The following GTF3C1 variants were observed in gnomAD, a reference collection of about 807,000 sequenced individuals.
GTF3C1 encodes the protein general transcription factor IIIC subunit 1.
A neutral mutation model predicts 226.7 loss-of-function variants in GTF3C1; 57 were observed. That is an observed-to-expected ratio of 0.25 (90% CI 0.20 to 0.31). The LOEUF (loss-of-function observed/expected upper bound fraction) is 0.31, where lower values mean the gene tolerates loss of function less well. GTF3C1 is among the 10% of genes least tolerant of loss of function. The probability of loss-of-function intolerance (pLI) is 1.00; values close to 1 mark genes in which losing one functional copy is unlikely to be tolerated. For synonymous variants in GTF3C1, 1,090 were observed against 1,084.8 expected (o/e 1.00, Z -0.09); for missense variants, 2,217 against 2,776.1 (o/e 0.80, Z 4.53).
intron 2 of GTF3C1, among the ~76,000 whole-genome samples, chr16:27,538,933 A>T (rs2089040571): frequency 6.7e-6 from 1 of 149,772 alleles, no homozygotes; most frequent in African/African-American, 2.5e-5. Context: ...TCTTCATAGA[A>T]CTTAGCACTC....
At chr16:27,498,302 C>T (rs1419633320) in intron 13 of GTF3C1, among the ~76,000 whole-genome samples, 1 of 152,070 alleles carries the variant, frequency 6.6e-6, no homozygotes, top group African/African-American at 2.4e-5. Context: ...GGTTTATGAA[C>T]AAAATTAGAA....
At chr16:27,495,002 T>C (rs1461583230) in intron 15 of GTF3C1, 94 bp from the exon 16 acceptor site, 3 of 1,122,404 alleles carry the variant, frequency 2.7e-6, no homozygotes, top group Admixed American at 2.1e-5. Context: ...TCTTGGTGTC[T>C]TTACCCCTAA....
At chr16:27,483,276 G>A (rs902499945) in intron 25 of GTF3C1, 151 bp from the exon 26 acceptor site, 4 of 759,466 alleles carry the variant, frequency 5.3e-6, no homozygotes, top group South Asian at 1.5e-5. Context: ...CAGCTTTTAC[G>A]AATGAAGGAT....
At chr16:27,483,578 A>G (rs2088089993) in intron 25 of GTF3C1, 2 of 429,138 alleles carry the variant, frequency 4.7e-6, no homozygotes. Context: ...TGACTTGCCC[A>G]AAAGAAAATG....
At chr16:27,530,162 C>T (rs759618125) in intron 5 of GTF3C1, among the ~76,000 whole-genome samples, 4 of 152,162 alleles carry the variant, frequency 2.6e-5, no homozygotes, top group Non-Finnish European at 5.9e-5. Flanking sequence ...GGGCTGCCGC[C>T]GCCACATATG....
intron 7 of GTF3C1, among the ~76,000 whole-genome samples, chr16:27,511,457 T>C (rs2088569491): frequency 6.6e-6 from 1 of 152,182 alleles, no homozygotes; most frequent in African/African-American, 2.4e-5. Flanking sequence ...CCCTCTTATA[T>C]ATCTATGTTT....
intron 32 of GTF3C1, among the ~76,000 whole-genome samples, chr16:27,468,825 G>A (rs2087821898): frequency 1.3e-5 from 2 of 152,234 alleles, no homozygotes; most frequent in South Asian, 4.1e-4. Flanking sequence ...AAAGGAGGCA[G>A]GAGATCATGA....
chr16:27,512,488 T>C (rs930681861), intron 6 of GTF3C1, among the ~76,000 whole-genome samples: 6 of 152,178 alleles, frequency 3.9e-5, no homozygotes, highest in Admixed American at 2.6e-4. Context: ...TCAGTACTAA[T>C]AGATCTACTA....
At chr16:27,495,708 T>C (rs2088306065) in intron 14 of GTF3C1, among the ~76,000 whole-genome samples, 1 of 152,020 alleles carries the variant, frequency 6.6e-6, no homozygotes, top group Non-Finnish European at 1.5e-5. Flanking sequence ...GTGCAGAAAA[T>C]AAAGCACAGA....
intron 1 of GTF3C1, among the ~76,000 whole-genome samples, chr16:27,546,194 A>C (rs2089159591): frequency 6.6e-6 from 1 of 151,908 alleles, no homozygotes; most frequent in African/African-American, 2.4e-5. Flanking sequence ...CTCCTTAGTT[A>C]TCTCTCTAAT....
At chr16:27,526,940 T>C (rs1342223945) in intron 6 of GTF3C1, among the ~76,000 whole-genome samples, 2 of 152,236 alleles carry the variant, frequency 1.3e-5, no homozygotes, top group African/African-American at 2.4e-5. Flanking sequence ...ACTTGGTGGC[T>C]CACGCCTATA....
intron 4 of GTF3C1, among the ~76,000 whole-genome samples, chr16:27,534,058 C>T (rs1409931578): frequency 6.6e-6 from 1 of 152,162 alleles, no homozygotes; most frequent in Non-Finnish European, 1.5e-5. Context: ...GGTTATTCTA[C>T]AAAGTTAACA....
intron 6 of GTF3C1, among the ~76,000 whole-genome samples, chr16:27,518,258 G>A (rs1318120486): frequency 6.6e-6 from 1 of 152,036 alleles, no homozygotes; most frequent in East Asian, 1.9e-4. Flanking sequence ...ACTGAATGAC[G>A]GAGGTGGGGT....
In GTF3C1 at chr16:27,507,284, T is replaced by G; in HGVS notation, c.1243-128A>C. The G allele has an allele frequency of 1.6e-5, 11 of 687,332 alleles. No individual in the cohort carries two copies. Among genetic ancestry groups the G allele is most frequent in the Non-Finnish European group, 2.0e-5 (8 of 409,690 alleles). 42.6% of individuals were successfully genotyped at this position (687,332 alleles called of 1,614,324 possible). On this transcript the variant is annotated intron_variant, in intron 8 of 36. Transcript: ENST00000356183. This position sits in a 1 kb window ranked among gnomAD's most constrained non-coding sequence, Gnocchi z 4.9. Reference sequence around the variant, plus strand: ...TTCTCCTGTCTTACTGCCTGGGCCCTGGGTTGGGCACCACTGATGCTCCCT... The same window carrying G: ...TTCTCCTGTCTTACTGCCTGGGCCCGGGGTTGGGCACCACTGATGCTCCCT...
rs377348839 is a variant in GTF3C1, at chr16:27,489,562, A to G, written c.3293+40T>C. 4.6e-6 allele frequency: 7 copies of G among 1,526,844 alleles called. No homozygotes were observed. In the African/African-American group the frequency reaches 8.2e-5, roughly 18 times the overall value. The allele number at this position is 1,526,844 out of a possible 1,614,324, so 94.6% of individuals were successfully genotyped here. A position where few individuals can be genotyped will look rare whatever the true frequency, so the allele number is the denominator to read the frequency against. ...AGGCATCTGAAATGAGCACCACCGCAGCCCAGTCCTGGCCGGCCGCGCTTG... is the reference window on the plus strand; with the variant it reads ...AGGCATCTGAAATGAGCACCACCGCGGCCCAGTCCTGGCCGGCCGCGCTTG... On this transcript the variant is annotated intron_variant, in intron 20 of 36. Transcript: ENST00000356183.
chr16:27,482,945 T>C, intron 26 of GTF3C1, 99 bp downstream of exon 26: 1 of 987,744 alleles, frequency 1.0e-6, no homozygotes, highest in Non-Finnish European at 1.6e-6. Flanking sequence ...TCCACGTTCC[T>C]AAGGCTGGCA....
chr16:27,506,644 G>T (rs952394844), intron 9 of GTF3C1, among the ~76,000 whole-genome samples: 3 of 152,198 alleles, frequency 2.0e-5, no homozygotes, highest in Non-Finnish European at 4.4e-5. Flanking sequence ...GTGCCACGAA[G>T]AAATGATTTG....
rs115124128 is a variant in GTF3C1 at position 27,519,605 on chromosome 16, C to T, written c.974-7704G>A. On this transcript the variant is annotated intron_variant, in intron 6 of 36. Coordinates refer to ENST00000356183, the MANE Select transcript of GTF3C1 (RefSeq NM_001520.4). ...AGTAACCGATCCTCTATTCAAATCCCTGCACCAGCACTGCCCAGCTCTGTG... is the reference window on the plus strand; with the variant it reads ...AGTAACCGATCCTCTATTCAAATCCTTGCACCAGCACTGCCCAGCTCTGTG... Among the ~76,000 whole-genome samples the T allele has an allele frequency of 7.0e-3, 1,063 of 152,308 alleles. 16 individuals carry two copies. Among genetic ancestry groups the T allele is most frequent in the African/African-American group, 0.024 (1,009 of 41,558 alleles).
At position 27,470,656 on chromosome 16, in the gene GTF3C1, G is replaced by A. The variant is rs906895053; in HGVS notation, c.4527-261C>T. On this transcript the variant is annotated intron_variant, in intron 30 of 36. Coordinates refer to ENST00000356183, the MANE Select transcript of GTF3C1 (RefSeq NM_001520.4). The surrounding 1 kb of genome is among the most constrained non-coding windows in gnomAD (Gnocchi z 4.9). ...CTAATTCAATGTGGCCTCACCTGGC[G>A]CTCCAGGAGGGCGCTGGCAGGCTCA... is the stretch of plus-strand genomic sequence containing the variant. 12 of 472,350 alleles carry A rather than the reference G, an allele frequency of 2.5e-5. No homozygotes were observed. The highest frequency in any genetic ancestry group is 5.9e-4 in the Middle Eastern group (1 of 1,700). 29.3% of individuals were successfully genotyped at this position (472,350 alleles called of 1,614,324 possible).
Sources: gnomAD v4.1 joint callset for allele counts (sites outside exome capture counted in the v4.1 genomes callset) on GRCh38, gnomAD v4.1.1 for gene constraint, Gnocchi (gnomAD v3.1) non-coding constraint, MANE v1.5 for transcripts, NCBI Gene and HGNC (gene_info 2026-07-23, HGNC 2026-07-21) for gene names.